Variants in SHISA9 observed in about 807,000 individuals in gnomAD.
The protein encoded by SHISA9 is shisa family member 9, also known as protein shisa-9.
In SHISA9, 13 loss-of-function variants were observed where a neutral mutation model predicts 38.0. That is an observed-to-expected ratio of 0.34 (90% CI 0.22 to 0.54). SHISA9 has a LOEUF of 0.54. Ranked by LOEUF, SHISA9 falls within the 20% of genes least tolerant of loss-of-function variation. The probability of loss-of-function intolerance (pLI) is 0.91; values close to 1 mark genes in which losing one functional copy is unlikely to be tolerated. For synonymous variants in SHISA9, 275 were observed against 242.0 expected, an observed-to-expected ratio of 1.14 and a Z score of -1.27; for missense variants, 538 against 575.8, an observed-to-expected ratio of 0.93 and a Z score of 0.67.
chr16:13,271,789 A>C, the SHISA9 span, among the ~76,000 whole-genome samples: 1 of 151,994 alleles, frequency 6.6e-6, no homozygotes, highest in African/African-American at 2.4e-5. Flanking sequence ...TGTGTGTGTG[A>C]GAATGTTCTA....
chr16:13,231,165 G>A (rs1046728071), intron 4 of SHISA9, among the ~76,000 whole-genome samples: 5 of 152,196 alleles, frequency 3.3e-5, no homozygotes, highest in African/African-American at 1.2e-4. Context: ...TGCAAGAGAA[G>A]AGGAGCATGA....
At chr16:12,999,354 T>C (rs2072496407) in intron 2 of SHISA9, among the ~76,000 whole-genome samples, 1 of 152,220 alleles carries the variant, frequency 6.6e-6, no homozygotes, top group African/African-American at 2.4e-5. Context: ...TGTTTTACCT[T>C]GGCTGACAAT....
At chr16:13,188,584 G>A (rs541615876) in intron 2 of SHISA9, among the ~76,000 whole-genome samples, 3 of 152,156 alleles carry the variant, frequency 2.0e-5, no homozygotes, top group African/African-American at 7.2e-5. Flanking sequence ...AGGCATGCTG[G>A]TGCATGTCTG....
the SHISA9 span, among the ~76,000 whole-genome samples, chr16:13,314,042 T>C: frequency 2.2e-5 from 3 of 137,988 alleles, no homozygotes; most frequent in Non-Finnish European, 4.9e-5. Flanking sequence ...AACAATAAGC[T>C]GTACCTCATG....
At chr16:13,269,342 T>C in the SHISA9 span, among the ~76,000 whole-genome samples, 1 of 152,224 alleles carries the variant, frequency 6.6e-6, no homozygotes, top group African/African-American at 2.4e-5. Context: ...TTTCTGCATA[T>C]GTAAAATGGT....
intron 2 of SHISA9, among the ~76,000 whole-genome samples, chr16:13,126,159 G>A (rs2050254586): frequency 1.3e-5 from 2 of 152,190 alleles, no homozygotes; most frequent in Admixed American, 1.3e-4. Context: ...GCAGCCCCAT[G>A]TGCATAGATC....
At chr16:13,350,665 T>G in the SHISA9 span, 1 of 152,192 alleles carries the variant, frequency 6.6e-6, no homozygotes, top group Non-Finnish European at 1.5e-5. Flanking sequence ...CAGAAGTGGG[T>G]TCTTTCCAGT....
At chr16:12,985,400 G>A (rs1297757394) in intron 2 of SHISA9, among the ~76,000 whole-genome samples, 1 of 152,102 alleles carries the variant, frequency 6.6e-6, no homozygotes, top group Admixed American at 6.5e-5. Context: ...GAAACTTGCT[G>A]AGTCTCAGTT....
At chr16:13,497,374 A>G in the SHISA9 span, among the ~76,000 whole-genome samples, 1 of 152,164 alleles carries the variant, frequency 6.6e-6, no homozygotes, top group Non-Finnish European at 1.5e-5. Context: ...GGTATCCATC[A>G]TCATATGAAT....
intron 4 of SHISA9, among the ~76,000 whole-genome samples, chr16:13,222,314 C>G (rs1342045082): frequency 1.3e-5 from 2 of 152,158 alleles, no homozygotes; most frequent in African/African-American, 4.8e-5. Flanking sequence ...GGCAGCTCTA[C>G]TCCGAGTGGT....
At chr16:13,270,797 C>T in the SHISA9 span, among the ~76,000 whole-genome samples, 1 of 152,038 alleles carries the variant, frequency 6.6e-6, no homozygotes, top group African/African-American at 2.4e-5. Context: ...GATATATGTA[C>T]AATAAACAGG....
At chr16:13,233,258 G>A (rs901260017) in intron 4 of SHISA9, among the ~76,000 whole-genome samples, 3 of 151,696 alleles carry the variant, frequency 2.0e-5, no homozygotes, top group African/African-American at 7.3e-5. Context: ...GAAAGAACGA[G>A]AAAGAGAAGT....
intron 4 of SHISA9, among the ~76,000 whole-genome samples, chr16:13,226,987 G>C (rs1387792364): frequency 6.6e-6 from 1 of 152,148 alleles, no homozygotes; most frequent in African/African-American, 2.4e-5. Flanking sequence ...AAAGTATTTT[G>C]GTCATTCTTG....
intron 3 of SHISA9, 45 bp downstream of exon 3, chr16:13,203,594 C>A: frequency 7.0e-7 from 1 of 1,432,436 alleles, no homozygotes; most frequent in Non-Finnish European, 9.2e-7. Context: ...CCTCTTCGCT[C>A]TCCTTTGCTG....
At chr16:13,206,772 C>T (rs771002345) in intron 3 of SHISA9, among the ~76,000 whole-genome samples, 2 of 152,218 alleles carry the variant, frequency 1.3e-5, no homozygotes, top group Non-Finnish European at 2.9e-5. Flanking sequence ...CCCAGCTCAA[C>T]CCTCGTTATG....
At chr16:13,103,722 G>A (rs2073900558) in intron 2 of SHISA9, among the ~76,000 whole-genome samples, 1 of 152,202 alleles carries the variant, frequency 6.6e-6, no homozygotes, top group Non-Finnish European at 1.5e-5. Flanking sequence ...TTTCACCCTT[G>A]CTTTCAGCTG....
chr16:13,076,821 A>G (rs907136235), intron 2 of SHISA9, among the ~76,000 whole-genome samples: 2 of 152,164 alleles, frequency 1.3e-5, no homozygotes, highest in African/African-American at 2.4e-5. Context: ...AGCTGTTTAT[A>G]GTGTGTCTGA....
the SHISA9 span, among the ~76,000 whole-genome samples, chr16:13,439,386 A>G: frequency 6.6e-6 from 1 of 152,202 alleles, no homozygotes; most frequent in Non-Finnish European, 1.5e-5. Context: ...ACACACACAC[A>G]TAACTATGGA....
chr16:13,557,996 G>T, the SHISA9 span, among the ~76,000 whole-genome samples: 2 of 152,160 alleles, frequency 1.3e-5, no homozygotes, highest in African/African-American at 4.8e-5. Context: ...AGTAATTGAA[G>T]GGTGTAGTGA....
Sources: gnomAD v4.1 joint callset for allele counts (sites outside exome capture counted in the v4.1 genomes callset) on GRCh38, gnomAD v4.1.1 for gene constraint, MANE v1.5 for transcripts, NCBI Gene and HGNC (gene_info 2026-07-23, HGNC 2026-07-21) for gene names.